RGS6: variants seen among roughly 807,000 people sequenced by gnomAD.
RGS6 encodes regulator of G protein signaling 6, also known as regulator of G-protein signaling 6.
RGS6 carries 30 observed loss-of-function variants against 78.5 expected under a neutral mutation model. The ratio of observed to expected loss-of-function variants is 0.38; its 90% CI spans 0.29 to 0.52. The LOEUF is 0.52. RGS6 is among the 20% of genes least tolerant of loss of function. The pLI is 0.85. For missense variants in RGS6, 495 were observed against 609.7 expected (o/e 0.81, Z 1.98); for synonymous variants, 206 against 206.0 (o/e 1.00, Z 0.00).
chr14:72,002,507 TA>T (rs1343977483), intron 2 of RGS6, among the ~76,000 whole-genome samples: 1 of 152,130 alleles, frequency 6.6e-6, no homozygotes, highest in Non-Finnish European at 1.5e-5. Context: ...CCACAGTCTT[TA>T]CATGATAGTT....
intron 3 of RGS6, among the ~76,000 whole-genome samples, chr14:72,363,166 T>G (rs1354401489): frequency 6.6e-6 from 1 of 152,150 alleles, no homozygotes; most frequent in Non-Finnish European, 1.5e-5. Flanking sequence ...TGGGGCTGCT[T>G]TTATCTCAAA....
the RGS6 span, among the ~76,000 whole-genome samples, chr14:72,589,156 C>T: frequency 6.8e-6 from 1 of 147,594 alleles, no homozygotes; most frequent in African/African-American, 2.5e-5. Flanking sequence ...CATTTCCACC[C>T]ATTAAATCAG....
intron 12 of RGS6, among the ~76,000 whole-genome samples, chr14:72,478,659 A>G (rs370834197): frequency 3.9e-5 from 6 of 152,328 alleles, no homozygotes; most frequent in East Asian, 1.9e-4. Flanking sequence ...CTCCCCTTTC[A>G]GCTATAAAAT....
chr14:72,111,509 A>G (rs1275470965), intron 2 of RGS6, among the ~76,000 whole-genome samples: 1 of 152,190 alleles, frequency 6.6e-6, no homozygotes, highest in African/African-American at 2.4e-5. Flanking sequence ...GAAGACAAGG[A>G]TGAGTCATAT....
chr14:72,305,263 T>G (rs1829712765), intron 2 of RGS6, among the ~76,000 whole-genome samples: 1 of 152,248 alleles, frequency 6.6e-6, no homozygotes, highest in African/African-American at 2.4e-5. Flanking sequence ...GATTTGTATT[T>G]TATGTTATCA....
chr14:72,025,550 C>T (rs753384708), intron 2 of RGS6, among the ~76,000 whole-genome samples: 52 of 152,130 alleles, frequency 3.4e-4, no homozygotes, highest in Non-Finnish European at 6.3e-4. Context: ...TAGGGGATTT[C>T]GGGTGGGGAG....
the RGS6 span, chr14:72,612,622 G>T: frequency 1.9e-6 from 1 of 518,904 alleles, no homozygotes; most frequent in South Asian, 1.4e-5. Context: ...AGGAGAATCA[G>T]GGTCTCAGTG....
At chr14:72,389,081 G>A (rs888833001) in intron 3 of RGS6, among the ~76,000 whole-genome samples, 2 of 152,136 alleles carry the variant, frequency 1.3e-5, no homozygotes, top group Non-Finnish European at 2.9e-5. Flanking sequence ...GTTGTCTCGG[G>A]TCCATGTGCT....
At position 72,237,210 on chromosome 14, in the gene RGS6, C is replaced by T. The variant is rs142611330; in HGVS notation, c.85-114885C>T. Among the ~76,000 whole-genome samples the T allele has an allele frequency of 5.3e-5, 8 of 152,324 alleles. No homozygotes were observed. The East Asian group carries it at 1.4e-3, about 26-fold the overall frequency. ...ACCCATTTTAGTGCTGAATCATATTCCATTGTGTGAATATGCCACAATTTT... is the reference window on the plus strand; with the variant it reads ...ACCCATTTTAGTGCTGAATCATATTTCATTGTGTGAATATGCCACAATTTT... On this transcript the variant is annotated intron_variant, in intron 2 of 17. Transcript: ENST00000553525.
intron 2 of RGS6, among the ~76,000 whole-genome samples, chr14:72,185,320 T>A (rs549421420): frequency 1.3e-5 from 2 of 152,160 alleles, no homozygotes; most frequent in Non-Finnish European, 2.9e-5. Flanking sequence ...GACAATACTT[T>A]GCATTCTTCA....
At chr14:72,024,235 A>G (rs1202782213) in intron 2 of RGS6, among the ~76,000 whole-genome samples, 1 of 152,190 alleles carries the variant, frequency 6.6e-6, no homozygotes, top group Non-Finnish European at 1.5e-5. Flanking sequence ...TGAACACAGA[A>G]GGCTTGGGGT....
At chr14:72,152,012 T>C (rs1445187632) in intron 2 of RGS6, among the ~76,000 whole-genome samples, 1 of 152,200 alleles carries the variant, frequency 6.6e-6, no homozygotes, top group African/African-American at 2.4e-5. Flanking sequence ...AGATTTGGGT[T>C]GACTGCTTAG....
At chr14:72,420,819 T>A (rs8003581) in intron 3 of RGS6, among the ~76,000 whole-genome samples, 48,254 of 152,036 alleles carry the variant, frequency 0.32, 8,355 homozygotes, top group East Asian at 0.51. Context: ...CAGAACGCCA[T>A]TGATTATTAA....
chr14:72,140,930 C>A (rs573922367), intron 2 of RGS6, among the ~76,000 whole-genome samples: 205 of 152,310 alleles, frequency 1.3e-3, no homozygotes, highest in African/African-American at 4.4e-3. Context: ...GGGAGAGGTT[C>A]TTTGACCATA....
At chr14:72,157,397 G>A (rs1416157159) in intron 2 of RGS6, among the ~76,000 whole-genome samples, 1 of 152,090 alleles carries the variant, frequency 6.6e-6, no homozygotes, top group Non-Finnish European at 1.5e-5. Context: ...TCTGTTACTC[G>A]CTTGAAACTA....
intron 2 of RGS6, among the ~76,000 whole-genome samples, chr14:72,082,167 A>T (rs1270095309): frequency 2.6e-5 from 4 of 151,764 alleles, no homozygotes; most frequent in East Asian, 3.9e-4. Flanking sequence ...TTTAGGATTT[A>T]AAAAAAAATT....
At chr14:72,248,323 C>T (rs1182814725) in intron 2 of RGS6, among the ~76,000 whole-genome samples, 1 of 151,996 alleles carries the variant, frequency 6.6e-6, no homozygotes, top group Non-Finnish European at 1.5e-5. Flanking sequence ...AGAGATTTGC[C>T]AAGAATGTAA....
At chr14:72,141,634 A>G (rs1337107474) in intron 2 of RGS6, among the ~76,000 whole-genome samples, 1 of 152,166 alleles carries the variant, frequency 6.6e-6, no homozygotes, top group East Asian at 1.9e-4. Context: ...AAGGCCATCC[A>G]GACTCCTGGA....
At chr14:72,236,191 G>A (rs1239103760) in intron 2 of RGS6, among the ~76,000 whole-genome samples, 2 of 152,168 alleles carry the variant, frequency 1.3e-5, no homozygotes, top group Non-Finnish European at 2.9e-5. Context: ...AAAATCTGAA[G>A]TAATTGTTCA....
Sources: gnomAD v4.1 joint callset for allele counts (sites outside exome capture counted in the v4.1 genomes callset) on GRCh38, gnomAD v4.1.1 for gene constraint, MANE v1.5 for transcripts, NCBI Gene and HGNC (gene_info 2026-07-23, HGNC 2026-07-21) for gene names.